Variants in ERAL1 observed in about 807,000 individuals in gnomAD.
ERAL1 encodes GTPase Era, mitochondrial.
Under a neutral mutation model 53.6 loss-of-function variants are expected in ERAL1, and 36 were observed. That is an observed-to-expected ratio of 0.67 (90% CI 0.51 to 0.89). The LOEUF (loss-of-function observed/expected upper bound fraction) is 0.89, where lower values mean the gene tolerates loss of function less well. Among genes scored for constraint, ERAL1 ranks in the 40% least tolerant of loss-of-function variants. ERAL1 has a pLI of 0.00. For synonymous variants in ERAL1, 215 were observed against 211.8 expected (o/e 1.02, Z -0.13); for missense variants, 512 against 537.5 (o/e 0.95, Z 0.47).
chr17:28,859,613 C>T (rs1395750613), intron 9 of ERAL1, among the ~76,000 whole-genome samples: 1 of 151,798 alleles, frequency 6.6e-6, no homozygotes, highest in African/African-American at 2.4e-5. Flanking sequence ...GATCTCTGCT[C>T]ACTGCAACCT....
intron 1 of ERAL1, 84 bp from the exon 2 acceptor site, chr17:28,856,180 T>C: frequency 6.5e-7 from 1 of 1,550,156 alleles, no homozygotes; most frequent in Non-Finnish European, 8.8e-7. Context: ...GTACCCCTGC[T>C]CCCTTTGTGG....
chr17:28,855,169 C>T lies in ERAL1; in HGVS notation c.135C>T (p.Ser45=). Reference sequence around the variant, plus strand: ...TAGGCTTCCAACGGAGGTGCGTGTCCTGCGTCGCGGGGTCCGCTTTCTCTG... The same window carrying T: ...TAGGCTTCCAACGGAGGTGCGTGTCTTGCGTCGCGGGGTCCGCTTTCTCTG... ...SLLGFQRRCV[S]CVAGSAFSGP... The change falls in exon 1 of 10, where the codon TCC becomes TCT. Residue 45 remains serine (S), a synonymous_variant. Transcript: ENST00000254928. 1.9e-6 allele frequency: 3 copies of T among 1,614,216 alleles called. No individual in the cohort carries two copies. The highest frequency in any genetic ancestry group is 2.5e-6 in the Non-Finnish European group (3 of 1,180,028).
chr17:28,858,879 C>T, intron 7 of ERAL1, 55 bp downstream of exon 7: 1 of 1,612,032 alleles, frequency 6.2e-7, no homozygotes, highest in Non-Finnish European at 8.5e-7. Flanking sequence ...TGAAGACAGC[C>T]CTCAAATTTC....
chr17:28,859,783 G>A (rs2039285625), intron 9 of ERAL1, among the ~76,000 whole-genome samples: 4 of 151,592 alleles, frequency 2.6e-5, no homozygotes, highest in African/African-American at 9.7e-5. Flanking sequence ...CAAATTGTCC[G>A]CCCACCTCAG....
rs1469068096 is a variant in ERAL1 at position 28,856,507 on chromosome 17, G to A, written c.414G>A (p.Val138=). The A allele has an allele frequency of 1.9e-6, 3 of 1,613,668 alleles. No homozygotes were observed. In the African/African-American group the frequency reaches 4.0e-5, roughly 22 times the overall value. Residue 138 remains valine, a splice_region_variant and synonymous_variant, in exon 3 of 10, where the codon GTG becomes GTA. Coordinates refer to ENST00000254928, the MANE Select transcript of ERAL1 (RefSeq NM_005702.4). ...TLSNQLLGRK[V]FPVSRKVHTT... ...TGAGACTCCTTTGTTCCTGGCAGGT[G>A]TTCCCTGTTTCCAGGAAGGTGCATA...
chr17:28,859,355 C>T, intron 9 of ERAL1, 72 bp downstream of exon 9: 1 of 1,429,992 alleles, frequency 7.0e-7, no homozygotes, highest in Non-Finnish European at 9.8e-7. Flanking sequence ...GCTTGGAGCC[C>T]TGAGAGCAGG....
chr17:28,858,990 AG>A lies in ERAL1; in HGVS notation c.990del (p.Trp332GlyfsTer26). On this transcript the variant is annotated frameshift_variant, in exon 8 of 10. Transcript: ENST00000254928. LOFTEE classifies it high-confidence loss of function. The stretch of plus-strand genomic sequence containing the variant: ...AATACCTTCTGACACAGGCCCAGCC[AG>A]GGCCCTGGGAGTACCACAGTGCAGT... ...KQYLLTQAQP[G>X]PWEYHSAVLT... is the part of the protein sequence containing the mutation. 1.9e-6 allele frequency: 3 copies of A among 1,614,194 alleles called. No homozygotes were observed. Among genetic ancestry groups the A allele is most frequent in the Non-Finnish European group, 2.5e-6 (3 of 1,180,024 alleles).
intron 1 of ERAL1, among the ~76,000 whole-genome samples, chr17:28,855,682 G>A (rs980418603): frequency 6.6e-6 from 1 of 152,042 alleles, no homozygotes; most frequent in African/African-American, 2.4e-5. Flanking sequence ...GTCCGGTATT[G>A]GAGACTGGAC....
At chr17:28,856,888 T>A (rs1359446031) in intron 3 of ERAL1, among the ~76,000 whole-genome samples, 1 of 150,990 alleles carries the variant, frequency 6.6e-6, no homozygotes, top group Non-Finnish European at 1.5e-5. Flanking sequence ...ATTTTTTGTA[T>A]TTTTAGTAGA....
chr17:28,857,774 AGAGT>A (rs2039260538), intron 3 of ERAL1, among the ~76,000 whole-genome samples, 161 bp from the exon 4 acceptor site: 1 of 152,160 alleles, frequency 6.6e-6, no homozygotes. Context: ...CCTGGATGAC[AGAGT>A]GAGACTCCGT....
intron 3 of ERAL1, 169 bp downstream of exon 3, chr17:28,856,751 TC>T: frequency 1.6e-6 from 1 of 608,302 alleles, no homozygotes; most frequent in Non-Finnish European, 2.9e-6. Flanking sequence ...TCACTCTGTC[TC>T]CCAGGCTGGA....
At chr17:28,859,180 T>A (rs1346227491) in intron 8 of ERAL1, 23 bp from the exon 9 acceptor site, 1 of 1,614,142 alleles carries the variant, frequency 6.2e-7, no homozygotes, top group South Asian at 1.1e-5. Context: ...TATGACTGAC[T>A]AATCATTTGT....
At position 28,857,926 on chromosome 17, in the gene ERAL1, T is replaced by G. The variant is rs199909504; in HGVS notation, c.490-13T>G. ...TCTCCTGGGGTCTGGGTATCTCACTTTCCTGATTTTAGATTCTACTTGACA... is the reference window on the plus strand; with the variant it reads ...TCTCCTGGGGTCTGGGTATCTCACTGTCCTGATTTTAGATTCTACTTGACA... On this transcript the variant is annotated splice_polypyrimidine_tract_variant and intron_variant, in intron 3 of 9. Transcript: ENST00000254928. 1 of 1,614,046 alleles carries G rather than the reference T, an allele frequency of 6.2e-7. No individual in the cohort carries two copies. Among genetic ancestry groups the G allele is most frequent in the Non-Finnish European group, 8.5e-7 (1 of 1,179,980 alleles).
At chr17:28,856,932 C>G (rs1373231229) in intron 3 of ERAL1, among the ~76,000 whole-genome samples, 1 of 151,192 alleles carries the variant, frequency 6.6e-6, no homozygotes, top group Non-Finnish European at 1.5e-5. Flanking sequence ...AGGATGGTCT[C>G]GATCTCCTGA....
chr17:28,859,302 A>G lies in ERAL1; in HGVS notation c.1191+19A>G. The G allele has an allele frequency of 6.2e-7, 1 of 1,613,020 alleles. No individual in the cohort carries two copies. The highest frequency in any genetic ancestry group is 1.7e-5 in the Admixed American group (1 of 60,000). ...TTATGTGGTAAGTGAGACTAGGCTC[A>G]GAGGAGAGATCAAGACTATGTTAGG... On this transcript the variant is annotated intron_variant, in intron 9 of 9. Coordinates refer to ENST00000254928, the MANE Select transcript of ERAL1 (RefSeq NM_005702.4).
intron 9 of ERAL1, among the ~76,000 whole-genome samples, chr17:28,859,501 G>A (rs570388102): frequency 1.3e-4 from 19 of 151,414 alleles, no homozygotes; most frequent in Admixed American, 7.9e-4. Context: ...CAATCCTCCC[G>A]CCTCAGCCCC....
intron 9 of ERAL1, among the ~76,000 whole-genome samples, chr17:28,860,164 A>T (rs1406173704): frequency 2.0e-5 from 3 of 151,698 alleles, no homozygotes. Flanking sequence ...TTTAGTAGAG[A>T]CAGCATTTCA....
intron 9 of ERAL1, 85 bp downstream of exon 9, chr17:28,859,368 C>A: frequency 3.2e-6 from 4 of 1,230,998 alleles, no homozygotes; most frequent in Non-Finnish European, 4.6e-6. Context: ...AGAGCAGGAC[C>A]ATATCCTTCT....
At chr17:28,856,675 C>T in intron 3 of ERAL1, 93 bp downstream of exon 3, 1 of 1,087,898 alleles carries the variant, frequency 9.2e-7, no homozygotes, top group Non-Finnish European at 1.4e-6. Context: ...ATGATGGTCA[C>T]ATTCATTTAT....
Sources: allele counts gnomAD v4.1 joint callset (sites outside exome capture counted in the v4.1 genomes callset), GRCh38; gene constraint gnomAD v4.1.1; transcripts MANE v1.5; gene names NCBI Gene and HGNC (gene_info 2026-07-23, HGNC 2026-07-21).